CAP2: variants seen among roughly 807,000 people sequenced by gnomAD.
CAP2 encodes the protein adenylyl cyclase-associated protein 2.
Under a neutral mutation model 57.7 loss-of-function variants are expected in CAP2, and 24 were observed. The observed-to-expected ratio is 0.42, with a 90% CI of 0.30 to 0.58. The LOEUF (loss-of-function observed/expected upper bound fraction) is 0.58, where lower values mean the gene tolerates loss of function less well. CAP2 is among the 20% of genes least tolerant of loss of function. The pLI, the probability that CAP2 is intolerant of heterozygous loss-of-function variation, is 0.22. For missense variants in CAP2, 501 were observed against 590.3 expected, an observed-to-expected ratio of 0.85 and a Z score of 1.57; for synonymous variants, 194 against 207.2, an observed-to-expected ratio of 0.94 and a Z score of 0.55.
chr6:17,445,496 C>T (rs9383285), intron 3 of CAP2, among the ~76,000 whole-genome samples: 75,516 of 152,018 alleles, frequency 0.5, 19,597 homozygotes, highest in East Asian at 0.84. Flanking sequence ...TGTTGCTTCC[C>T]CCTCAATTGT....
chr6:17,513,767 A>G lies in CAP2; in HGVS notation c.531-82A>G, dbSNP rs1762209180. 3 of 904,532 alleles carry G rather than the reference A, an allele frequency of 3.3e-6. No individual in the cohort carries two copies. The highest frequency in any genetic ancestry group is 5.4e-6 in the Non-Finnish European group (3 of 553,352). The allele number at this position is 904,532 out of a possible 1,614,324, so 56.0% of individuals were successfully genotyped here. A position where few individuals can be genotyped will look rare whatever the true frequency, so the allele number is the denominator to read the frequency against. On this transcript the variant is annotated intron_variant, in intron 6 of 12. Coordinates refer to ENST00000229922, the MANE Select transcript of CAP2 (RefSeq NM_006366.3). The surrounding 1 kb of genome is among the most constrained non-coding windows in gnomAD (Gnocchi z 4.3). ...GGGCTCCAGGGCCCCTAGTCACTAGATAACCATGTGCCCCCACAATTTTTT... is the reference window on the plus strand; with the variant it reads ...GGGCTCCAGGGCCCCTAGTCACTAGGTAACCATGTGCCCCCACAATTTTTT...
intron 3 of CAP2, among the ~76,000 whole-genome samples, chr6:17,453,705 C>T (rs62393836): frequency 0.019 from 2,875 of 152,206 alleles, 38 homozygotes; most frequent in Non-Finnish European, 0.031. Context: ...AGTTAACCCA[C>T]AGTGGTAATT....
chr6:17,529,654 ATAT>A (rs1762595166), intron 7 of CAP2, among the ~76,000 whole-genome samples: 9 of 126,202 alleles, frequency 7.1e-5, no homozygotes, highest in Non-Finnish European at 1.2e-4. Context: ...AAAAAAAAAT[ATAT>A]ATATATATAT....
intron 1 of CAP2, among the ~76,000 whole-genome samples, 168 bp from the exon 2 acceptor site, chr6:17,421,387 G>A (rs2113531494): frequency 6.6e-6 from 1 of 152,238 alleles, no homozygotes; most frequent in South Asian, 2.1e-4. Context: ...CAAAACTACT[G>A]AGATTAAAAA....
intron 4 of CAP2, among the ~76,000 whole-genome samples, chr6:17,473,212 A>G (rs892381970): frequency 6.6e-6 from 1 of 152,190 alleles, no homozygotes; most frequent in African/African-American, 2.4e-5. Context: ...TTGTTTGATC[A>G]ACTGTTCCAT....
At chr6:17,462,855 G>A (rs942458243) in intron 3 of CAP2, 141 bp from the exon 4 acceptor site, 7 of 657,240 alleles carry the variant, frequency 1.1e-5, no homozygotes, top group South Asian at 3.7e-5. Context: ...ATGCTGTTAC[G>A]AACATTCATT....
At chr6:17,398,520 A>T (rs959282960) in intron 1 of CAP2, among the ~76,000 whole-genome samples, 16 of 147,620 alleles carry the variant, frequency 1.1e-4, no homozygotes, top group Non-Finnish European at 4.5e-5. Context: ...AAAATTTACG[A>T]TTTTAAACTT....
intron 7 of CAP2, among the ~76,000 whole-genome samples, chr6:17,522,333 G>A (rs1762411538): frequency 6.6e-6 from 1 of 152,072 alleles, no homozygotes; most frequent in African/African-American, 2.4e-5. Flanking sequence ...CACTTCCTTG[G>A]TAACTACTTA....
chr6:17,419,745 G>T (rs1398142907), intron 1 of CAP2, among the ~76,000 whole-genome samples: 1 of 151,136 alleles, frequency 6.6e-6, no homozygotes, highest in Non-Finnish European at 1.5e-5. Context: ...GTGCAGTGGC[G>T]TGATCTCAGC....
At chr6:17,553,281 T>C (rs1354964928) in intron 12 of CAP2, among the ~76,000 whole-genome samples, 3 of 152,160 alleles carry the variant, frequency 2.0e-5, no homozygotes, top group African/African-American at 7.2e-5. Flanking sequence ...GGAGCCAACA[T>C]TGAAATCCAC....
chr6:17,426,705 C>G lies in CAP2; in HGVS notation c.222+15C>G. 6.4e-7 allele frequency: 1 copy of G among 1,560,390 alleles called. No individual in the cohort carries two copies. Among genetic ancestry groups the G allele is most frequent in the African/African-American group, 1.4e-5 (1 of 73,908 alleles). ...TGGAGACCCATGTAAGTACTTTCCT[C>G]CCCTGTTCTCAGTAGAGAGTTTAAA... On this transcript the variant is annotated intron_variant, in intron 3 of 12. Coordinates refer to ENST00000229922, the MANE Select transcript of CAP2 (RefSeq NM_006366.3).
chr6:17,412,688 A>C (rs1759169100), intron 1 of CAP2, among the ~76,000 whole-genome samples: 1 of 152,250 alleles, frequency 6.6e-6, no homozygotes, highest in East Asian at 1.9e-4. Flanking sequence ...GTAATTGTAC[A>C]TGTGGTTTAG....
chr6:17,526,848 C>T (rs1451484924), intron 7 of CAP2, among the ~76,000 whole-genome samples: 2 of 149,764 alleles, frequency 1.3e-5, no homozygotes, highest in Admixed American at 1.4e-4. Context: ...TCCCAGCTAC[C>T]CGGGAGGCTG....
chr6:17,495,298 T>C (rs1049221114), intron 4 of CAP2, among the ~76,000 whole-genome samples: 3 of 152,162 alleles, frequency 2.0e-5, no homozygotes, highest in African/African-American at 7.2e-5. Context: ...CCAGTATATA[T>C]TTATTGAATA....
rs527316234 is a variant in CAP2 at position 17,456,537 on chromosome 6, A to T, written c.223-6459A>T. 2.6e-5 allele frequency among the ~76,000 whole-genome samples: 4 copies of T among 152,292 alleles called. No individual in the cohort carries two copies. The East Asian group carries it at 7.7e-4, about 29-fold the overall frequency. On this transcript the variant is annotated intron_variant, in intron 3 of 12. Coordinates refer to ENST00000229922, the MANE Select transcript of CAP2 (RefSeq NM_006366.3). ...CCTTTAGGGTAGAGTAGAGGACCCT[A>T]AACAACAAATCTGAAAACACAGTGT...
chr6:17,462,883 A>C, intron 3 of CAP2, 113 bp from the exon 4 acceptor site: 1 of 751,828 alleles, frequency 1.3e-6, no homozygotes, highest in South Asian at 1.6e-5. Flanking sequence ...TTTTGTGTGA[A>C]GATATATTTT....
chr6:17,524,361 A>G (rs1762454790), intron 7 of CAP2, among the ~76,000 whole-genome samples: 1 of 152,152 alleles, frequency 6.6e-6, no homozygotes, highest in Non-Finnish European at 1.5e-5. Flanking sequence ...TCTCATAAAT[A>G]CCTTTGAGTT....
intron 7 of CAP2, among the ~76,000 whole-genome samples, chr6:17,538,704 G>A (rs181856720): frequency 3.3e-5 from 5 of 152,230 alleles, no homozygotes; most frequent in African/African-American, 4.8e-5. Flanking sequence ...CAAGCATCCC[G>A]GTCACATATG....
chr6:17,459,322 G>A (rs1760663830), intron 3 of CAP2, among the ~76,000 whole-genome samples: 1 of 152,172 alleles, frequency 6.6e-6, no homozygotes, highest in African/African-American at 2.4e-5. Flanking sequence ...GTTCTAGCAG[G>A]CCTTAAAGAA....
Sources: gnomAD v4.1 joint callset for allele counts (sites outside exome capture counted in the v4.1 genomes callset) on GRCh38, gnomAD v4.1.1 for gene constraint, Gnocchi (gnomAD v3.1) non-coding constraint, MANE v1.5 for transcripts, NCBI Gene and HGNC (gene_info 2026-07-23, HGNC 2026-07-21) for gene names.